RIMS1: variants seen among roughly 807,000 people sequenced by gnomAD.
The protein encoded by RIMS1 is regulating synaptic membrane exocytosis 1.
In RIMS1, 83 loss-of-function variants were observed where a neutral mutation model predicts 214.1. That is an observed-to-expected ratio of 0.39 (90% confidence interval 0.32 to 0.47). RIMS1 has a LOEUF of 0.47. RIMS1 is among the 20% of genes least tolerant of loss of function. The pLI is 0.99. For missense variants in RIMS1, 2,050 were observed against 2,161.8 expected, an observed-to-expected ratio of 0.95 and a Z score of 1.03; for synonymous variants, 793 against 786.8, an observed-to-expected ratio of 1.01 and a Z score of -0.13.
At chr6:72,138,700 C>T (rs1219249625) in intron 4 of RIMS1, among the ~76,000 whole-genome samples, 1 of 152,026 alleles carries the variant, frequency 6.6e-6, no homozygotes, top group African/African-American at 2.4e-5. Context: ...GCATAAGGCA[C>T]ATTACAAAAA....
chr6:72,175,491 G>A, intron 4 of RIMS1: 1 of 204,078 alleles, frequency 4.9e-6, no homozygotes, highest in South Asian at 6.7e-5. Flanking sequence ...TGCCCAACAT[G>A]GTGAAACACC....
chr6:72,274,570 C>T, intron 23 of RIMS1, 138 bp downstream of exon 23: 1 of 661,546 alleles, frequency 1.5e-6, no homozygotes, highest in South Asian at 1.7e-5. Flanking sequence ...ATGTAGCCAA[C>T]TCTGGTAAAG....
chr6:72,040,889 T>C (rs1048357585), intron 2 of RIMS1, among the ~76,000 whole-genome samples: 3 of 151,976 alleles, frequency 2.0e-5, no homozygotes, highest in Admixed American at 6.6e-5. Context: ...AATAATAATA[T>C]GGTTTAAAAA....
chr6:72,113,957 A>G (rs1419667411), intron 4 of RIMS1, among the ~76,000 whole-genome samples: 1 of 152,222 alleles, frequency 6.6e-6, no homozygotes, highest in Middle Eastern at 3.4e-3. Flanking sequence ...AACCTGTAGT[A>G]TATTCATTTT....
chr6:72,227,147 T>A (rs558569391), intron 6 of RIMS1, among the ~76,000 whole-genome samples: 17 of 152,132 alleles, frequency 1.1e-4, no homozygotes, highest in Admixed American at 5.2e-4. Flanking sequence ...ATTATAAATA[T>A]TAGCATATAA....
intron 6 of RIMS1, among the ~76,000 whole-genome samples, chr6:72,183,448 G>C (rs1022416480): frequency 6.6e-6 from 1 of 151,642 alleles, no homozygotes; most frequent in African/African-American, 2.4e-5. Context: ...TTATTTTAGA[G>C]TGGATTTATT....
chr6:72,000,867 CAA>C (rs1373761346), intron 2 of RIMS1, among the ~76,000 whole-genome samples: 1 of 152,168 alleles, frequency 6.6e-6, no homozygotes, highest in Non-Finnish European at 1.5e-5. Flanking sequence ...ATCCTTCCCT[CAA>C]AGTCTTTTTC....
At chr6:72,292,953 C>T (rs372261273) in intron 26 of RIMS1, among the ~76,000 whole-genome samples, 50 of 152,022 alleles carry the variant, frequency 3.3e-4, no homozygotes, top group Middle Eastern at 3.4e-3. Flanking sequence ...TGATGGAAAA[C>T]TTGCATTTCA....
intron 27 of RIMS1, 96 bp downstream of exon 27, chr6:72,307,466 G>T: frequency 1.3e-6 from 1 of 783,312 alleles, no homozygotes; most frequent in South Asian, 2.2e-5. Flanking sequence ...TATAAGAGAA[G>T]TTATCATTTG....
intron 29 of RIMS1, among the ~76,000 whole-genome samples, chr6:72,347,423 T>C (rs1007282913): frequency 4.0e-5 from 6 of 151,868 alleles, no homozygotes; most frequent in African/African-American, 1.2e-4. Flanking sequence ...CACTGCAGTC[T>C]GAATTCTGTC....
chr6:71,895,582 G>A (rs1771432518), intron 1 of RIMS1, among the ~76,000 whole-genome samples: 1 of 147,386 alleles, frequency 6.8e-6, no homozygotes, highest in Non-Finnish European at 1.5e-5. Context: ...GCTGAGGCAG[G>A]AGAATTTCTT....
At chr6:72,197,493 A>G (rs549504790) in intron 6 of RIMS1, among the ~76,000 whole-genome samples, 10 of 152,252 alleles carry the variant, frequency 6.6e-5, no homozygotes, top group Non-Finnish European at 1.3e-4. Flanking sequence ...AAATTTGTTC[A>G]CCCAAACACA....
At position 72,324,932 on chromosome 6, in the gene RIMS1, A is replaced by G. The variant is rs974863002; in HGVS notation, c.4131-8668A>G. Among the ~76,000 whole-genome samples, 6 of 151,926 alleles carry G rather than the reference A, an allele frequency of 3.9e-5. No homozygotes were observed. The East Asian group carries it at 5.8e-4, about 15-fold the overall frequency. ...ATAAATTTTCCTAACCCTGACTTAC[A>G]TGAAATATACAAATTTTCTGAAAAG... On this transcript the variant is annotated intron_variant, in intron 28 of 33. Coordinates refer to ENST00000521978, the MANE Select transcript of RIMS1 (RefSeq NM_014989.7).
chr6:72,166,757 A>AC (rs2046324847), intron 4 of RIMS1, among the ~76,000 whole-genome samples: 2 of 4,820 alleles, frequency 4.1e-4, no homozygotes, highest in Non-Finnish European at 0.011. Context: ...CTTCTGGTGT[A>AC]TGAAATAAAA....
chr6:71,936,790 G>A (rs1350396456), intron 1 of RIMS1, among the ~76,000 whole-genome samples: 1 of 152,172 alleles, frequency 6.6e-6, no homozygotes, highest in Non-Finnish European at 1.5e-5. Flanking sequence ...TCTGAATAAG[G>A]AATCTCTGTA....
chr6:72,045,738 T>G (rs542370604), intron 2 of RIMS1, among the ~76,000 whole-genome samples: 2 of 151,928 alleles, frequency 1.3e-5, no homozygotes, highest in Non-Finnish European at 2.9e-5. Flanking sequence ...ATTTGTATTT[T>G]TTTACTACTA....
At chr6:72,062,038 G>T (rs528275301) in intron 2 of RIMS1, among the ~76,000 whole-genome samples, 1 of 152,334 alleles carries the variant, frequency 6.6e-6, no homozygotes, top group South Asian at 2.1e-4. Context: ...TCTCTCAGGG[G>T]ACTATTGGGA....
intron 2 of RIMS1, among the ~76,000 whole-genome samples, chr6:72,046,152 C>T (rs1369573926): frequency 6.6e-6 from 1 of 152,060 alleles, no homozygotes; most frequent in African/African-American, 2.4e-5. Context: ...CTTTTGAACT[C>T]TCAGGAAGTT....
intron 2 of RIMS1, among the ~76,000 whole-genome samples, chr6:71,986,188 TTG>T (rs1353136688): frequency 2.1e-4 from 20 of 94,866 alleles, no homozygotes; most frequent in Admixed American, 5.8e-4. Flanking sequence ...ACTTTGGGTT[TTG>T]TTTTTTTTTT....
Sources: allele counts gnomAD v4.1 joint callset (sites outside exome capture counted in the v4.1 genomes callset), GRCh38; gene constraint gnomAD v4.1.1; transcripts MANE v1.5; gene names NCBI Gene and HGNC (gene_info 2026-07-23, HGNC 2026-07-21).